Variants in SEPTIN14 observed in about 807,000 individuals in gnomAD.
SEPTIN14 encodes septin-14.
A neutral mutation model predicts 53.6 loss-of-function variants in SEPTIN14; 40 were observed. That is an observed-to-expected ratio of 0.75 (90% CI 0.58 to 0.97). The LOEUF (loss-of-function observed/expected upper bound fraction) is 0.97, where lower values mean the gene tolerates loss of function less well. Among genes scored for constraint, SEPTIN14 ranks in the 50% least tolerant of loss-of-function variants. The pLI, the probability that SEPTIN14 is intolerant of heterozygous loss-of-function variation, is 0.00. For synonymous variants in SEPTIN14, 138 were observed against 166.8 expected, an observed-to-expected ratio of 0.83 and a Z score of 1.33; for missense variants, 471 against 508.2, an observed-to-expected ratio of 0.93 and a Z score of 0.70.
intron 6 of SEPTIN14, among the ~76,000 whole-genome samples, chr7:55,822,781 A>G (rs1788918255): frequency 1.3e-5 from 2 of 152,096 alleles, no homozygotes; most frequent in African/African-American, 4.8e-5. Flanking sequence ...AAAGCATAAA[A>G]CAATAAAATT....
At chr7:55,803,007 G>C (rs984955745) in intron 9 of SEPTIN14, among the ~76,000 whole-genome samples, 1 of 151,712 alleles carries the variant, frequency 6.6e-6, no homozygotes, top group African/African-American at 2.4e-5. Flanking sequence ...GTGCAATCTG[G>C]GCTCACTGTA....
chr7:55,821,236 A>C (rs1199306129), intron 6 of SEPTIN14, among the ~76,000 whole-genome samples: 2 of 152,096 alleles, frequency 1.3e-5, no homozygotes, highest in Non-Finnish European at 2.9e-5. Context: ...GGCCCTGACC[A>C]TCCTTGCCTG....
chr7:55,848,649 C>G (rs867210499), intron 2 of SEPTIN14, among the ~76,000 whole-genome samples: 2 of 143,270 alleles, frequency 1.4e-5, no homozygotes, highest in Non-Finnish European at 3.0e-5. Context: ...CTCGCTCTGT[C>G]GCCCAGGCTG....
At chr7:55,812,954 C>T (rs1788726929) in intron 7 of SEPTIN14, among the ~76,000 whole-genome samples, 1 of 140,506 alleles carries the variant, frequency 7.1e-6, no homozygotes, top group African/African-American at 2.6e-5. Flanking sequence ...CGACAGGAGC[C>T]TTTTTTTTTT....
At position 55,834,465 on chromosome 7, in the gene SEPTIN14, GT is replaced by G; in HGVS notation, c.679del (p.Thr227GlnfsTer22). ...CGCTTGAGCAGCAGTTTCTTCATCTGTTGGGAGCTGATATATCTGGATGCCA... is the reference window on the plus strand; with the variant it reads ...CGCTTGAGCAGCAGTTTCTTCATCTGTGGGAGCTGATATATCTGGATGCCA... ...SNGIQIYQLPTDEETAAQANS... is the reference protein window; with the variant it reads ...SNGIQIYQLPXDEETAAQANS... On this transcript the variant is annotated frameshift_variant, in exon 6 of 10. Coordinates refer to ENST00000388975, the MANE Select transcript of SEPTIN14 (RefSeq NM_207366.3). LOFTEE classifies it high-confidence loss of function. 6 of 1,612,966 alleles carry G rather than the reference GT, an allele frequency of 3.7e-6. No homozygotes were observed. Among genetic ancestry groups the G allele is most frequent in the Non-Finnish European group, 5.1e-6 (6 of 1,179,482 alleles).
intron 7 of SEPTIN14, among the ~76,000 whole-genome samples, chr7:55,811,789 G>C (rs1005640224): frequency 6.7e-6 from 1 of 148,860 alleles, no homozygotes; most frequent in Non-Finnish European, 1.5e-5. Flanking sequence ...GTGAGCCACC[G>C]CACCCAGCAT....
intron 2 of SEPTIN14, among the ~76,000 whole-genome samples, chr7:55,856,872 A>C (rs1407838737): frequency 2.6e-5 from 4 of 151,916 alleles, no homozygotes; most frequent in Admixed American, 2.0e-4. Context: ...CAGGAGTTTG[A>C]GAGCAGCTTG....
At chr7:55,804,308 G>A (rs946419142) in intron 9 of SEPTIN14, among the ~76,000 whole-genome samples, 1 of 148,562 alleles carries the variant, frequency 6.7e-6, no homozygotes, top group African/African-American at 2.5e-5. Context: ...CGCCCAGGCT[G>A]GAGGCAGTGG....
chr7:55,827,657 T>C (rs970863630), intron 6 of SEPTIN14, among the ~76,000 whole-genome samples: 4 of 152,202 alleles, frequency 2.6e-5, no homozygotes, highest in African/African-American at 9.6e-5. Flanking sequence ...CAGCTGTGTC[T>C]TCCCCTCTGG....
At chr7:55,852,028 G>C (rs1789525240) in intron 2 of SEPTIN14, among the ~76,000 whole-genome samples, 1 of 151,840 alleles carries the variant, frequency 6.6e-6, no homozygotes, top group Non-Finnish European at 1.5e-5. Flanking sequence ...TGTAGTCCCA[G>C]CTACTCGGGA....
intron 7 of SEPTIN14, 101 bp downstream of exon 7, chr7:55,819,026 G>A (rs1788844446): frequency 1.4e-6 from 1 of 696,662 alleles, no homozygotes; most frequent in African/African-American, 1.8e-5. Flanking sequence ...ATTAGCAAGA[G>A]TTACCAATAT....
intron 9 of SEPTIN14, among the ~76,000 whole-genome samples, chr7:55,797,627 A>C (rs1319342980): frequency 6.6e-6 from 1 of 152,220 alleles, no homozygotes; most frequent in African/African-American, 2.4e-5. Context: ...ATTCAGGACC[A>C]CTAGGTGTAC....
In SEPTIN14 at chr7:55,806,508, G is replaced by A. The variant is rs752237214; in HGVS notation, c.986+582C>T. 5.9e-4 allele frequency among the ~76,000 whole-genome samples: 86 copies of A among 145,500 alleles called. 1 individual carries two copies. The highest frequency in any genetic ancestry group is 1.7e-3 in the African/African-American group (67 of 38,756). On this transcript the variant is annotated intron_variant, in intron 8 of 9. Transcript: ENST00000388975. ...GATGGAGTCTTGCTCAGTCCGCCACGCTGGAAGTGCAGTGAGGTGATCTCA... is the reference window on the plus strand; with the variant it reads ...GATGGAGTCTTGCTCAGTCCGCCACACTGGAAGTGCAGTGAGGTGATCTCA...
chr7:55,827,263 T>C (rs1475941148), intron 6 of SEPTIN14, among the ~76,000 whole-genome samples: 1 of 152,150 alleles, frequency 6.6e-6, no homozygotes, highest in Non-Finnish European at 1.5e-5. Flanking sequence ...TTCCCCTTTG[T>C]ACACAAAGGA....
chr7:55,830,349 A>ATATATATATTTT (rs71015108), intron 6 of SEPTIN14, among the ~76,000 whole-genome samples: 2 of 56,842 alleles, frequency 3.5e-5, no homozygotes, highest in African/African-American at 1.0e-4. Flanking sequence ...ATATATATAT[A>ATATATATATTTT]TTTTTTTTTT....
At chr7:55,820,829 A>AGG (rs1219411019) in intron 6 of SEPTIN14, among the ~76,000 whole-genome samples, 1 of 152,068 alleles carries the variant, frequency 6.6e-6, no homozygotes, top group African/African-American at 2.4e-5. Flanking sequence ...AATCCCAGCT[A>AGG]CTTGGGAGGC....
intron 7 of SEPTIN14, among the ~76,000 whole-genome samples, chr7:55,817,373 T>C (rs1788810338): frequency 6.6e-6 from 1 of 151,932 alleles, no homozygotes; most frequent in African/African-American, 2.4e-5. Context: ...GGAGAGATGT[T>C]GGTCAAAGGA....
intron 7 of SEPTIN14, among the ~76,000 whole-genome samples, chr7:55,815,171 A>G (rs1259925054): frequency 6.6e-6 from 1 of 152,194 alleles, no homozygotes; most frequent in Non-Finnish European, 1.5e-5. Flanking sequence ...TAAATCTAAG[A>G]CCTCAAATTA....
At chr7:55,838,214 G>A (rs755921345) in intron 5 of SEPTIN14, among the ~76,000 whole-genome samples, 64 of 152,150 alleles carry the variant, frequency 4.2e-4, no homozygotes, top group Non-Finnish European at 7.6e-4. Context: ...GTGTGTCCCA[G>A]GTTTTTGCTG....
Sources: gnomAD v4.1 joint callset for allele counts (sites outside exome capture counted in the v4.1 genomes callset) on GRCh38, gnomAD v4.1.1 for gene constraint, MANE v1.5 for transcripts, NCBI Gene and HGNC (gene_info 2026-07-23, HGNC 2026-07-21) for gene names.